Variants in MYRIP observed in about 807,000 individuals in gnomAD.
MYRIP encodes the protein rab effector MyRIP.
In MYRIP, 49 loss-of-function variants were observed where a neutral mutation model predicts 98.0. The ratio of observed to expected loss-of-function variants is 0.50; its 90% CI spans 0.40 to 0.63. The LOEUF is 0.63. Among genes scored for constraint, MYRIP ranks in the 30% least tolerant of loss-of-function variants. The probability of loss-of-function intolerance (pLI) is 0.00; values close to 1 mark genes in which losing one functional copy is unlikely to be tolerated. For synonymous variants in MYRIP, 404 were observed against 409.5 expected, an observed-to-expected ratio of 0.99 and a Z score of 0.16; for missense variants, 1,004 against 1,058.2, an observed-to-expected ratio of 0.95 and a Z score of 0.71.
At chr3:40,212,182 GTA>G (rs71091796) in intron 11 of MYRIP, among the ~76,000 whole-genome samples, 10,238 of 16,892 alleles carry the variant, frequency 0.61, 2,550 homozygotes, top group Middle Eastern at 0.75. Context: ...ATATATACGT[GTA>G]TGTGTATATA....
intron 3 of MYRIP, among the ~76,000 whole-genome samples, chr3:40,079,122 T>C (rs1401906764): frequency 6.6e-6 from 1 of 152,208 alleles, no homozygotes; most frequent in Non-Finnish European, 1.5e-5. Flanking sequence ...TGCTCCCTTG[T>C]TGTCAGTAGA....
intron 2 of MYRIP, among the ~76,000 whole-genome samples, chr3:39,942,619 T>A (rs12715349): frequency 0.51 from 77,799 of 151,928 alleles, 21,055 homozygotes; most frequent in African/African-American, 0.7. Context: ...TAATTGGGAT[T>A]TCTATCTCCT....
chr3:39,874,570 A>G (rs574034677), intron 1 of MYRIP, among the ~76,000 whole-genome samples: 1 of 152,280 alleles, frequency 6.6e-6, no homozygotes, highest in East Asian at 1.9e-4. Flanking sequence ...AATTGTGTCA[A>G]AGGCCTTTTC....
chr3:40,021,016 G>A (rs901705476), intron 2 of MYRIP, among the ~76,000 whole-genome samples: 3 of 152,124 alleles, frequency 2.0e-5, no homozygotes, highest in African/African-American at 7.2e-5. Flanking sequence ...CACAGATCTT[G>A]TAGGGATTAA....
chr3:40,043,037 C>T (rs1947579830), intron 2 of MYRIP, among the ~76,000 whole-genome samples: 1 of 152,158 alleles, frequency 6.6e-6, no homozygotes, highest in Admixed American at 6.5e-5. Context: ...AGTATTGTAT[C>T]ACTTTCTGGT....
intron 2 of MYRIP, among the ~76,000 whole-genome samples, chr3:39,961,192 C>T (rs1348215372): frequency 3.9e-5 from 6 of 152,032 alleles, no homozygotes; most frequent in Non-Finnish European, 7.4e-5. Flanking sequence ...ATTTCCCACA[C>T]ATGTTGTTTT....
At position 40,189,837 on chromosome 3, in the gene MYRIP, G is replaced by T; in HGVS notation, c.1039G>T (p.Val347Phe). ...CTCTCCATCCACAGACCTGGCCCCA[G>T]TTTTGCAGAGCCCCGACGGGAACTG... The part of the protein sequence containing the change: ...DRLDETNLAP[V>F]LQSPDGNWVA... The change falls in exon 10 of 17, where the codon GTT (valine) becomes TTT (phenylalanine). Residue 347 changes from valine (V) to phenylalanine (F), a missense_variant. Val to Phe is a conservative substitution (Grantham distance 50, BLOSUM62 -1). This residue lies in a region of MYRIP where 880 missense variants were observed against 907.7 expected (regional missense o/e 0.97). Transcript: ENST00000302541. 1.2e-6 allele frequency: 2 copies of T among 1,610,998 alleles called. No homozygotes were observed. Among genetic ancestry groups the T allele is most frequent in the Non-Finnish European group, 1.7e-6 (2 of 1,178,574 alleles).
chr3:39,950,266 G>A (rs1944981131), intron 2 of MYRIP, among the ~76,000 whole-genome samples: 2 of 152,134 alleles, frequency 1.3e-5, no homozygotes, highest in Admixed American at 6.6e-5. Flanking sequence ...AAAGATGAAT[G>A]AAATAGAATT....
Position 40,249,875 on chromosome 3 carries a change from C to T in MYRIP, c.2263-347C>T, listed in dbSNP as rs183318312. The stretch of plus-strand genomic sequence containing the variant: ...ATGACTATAACAGGACATATAAATC[C>T]TATGACTTCCCTGACCACTTCTCAC... On this transcript the variant is annotated intron_variant, in intron 13 of 16. Transcript: ENST00000302541. 6.6e-5 allele frequency among the ~76,000 whole-genome samples: 10 copies of T among 152,246 alleles called. No individual in the cohort carries two copies. The East Asian group carries it at 1.7e-3, about 26-fold the overall frequency.
intron 3 of MYRIP, among the ~76,000 whole-genome samples, chr3:40,130,647 T>G (rs1362779832): frequency 2.6e-5 from 4 of 152,068 alleles, no homozygotes; most frequent in African/African-American, 4.8e-5. Flanking sequence ...CCCAAAGTGC[T>G]GGGATTACAA....
rs542825584 is a variant in MYRIP, at chr3:40,215,083, G to A, written c.1905+4990G>A. Among the ~76,000 whole-genome samples, 5 of 152,228 alleles carry A rather than the reference G, an allele frequency of 3.3e-5. No individual in the cohort carries two copies. The East Asian group carries it at 9.6e-4, about 29-fold the overall frequency. On this transcript the variant is annotated intron_variant, in intron 11 of 16. Transcript: ENST00000302541. Reference sequence around the variant, plus strand: ...AAGATGTCCTATGTATCAATCTTTTGGAACATGAGCATTTATTAAAGGCCT... The same window carrying A: ...AAGATGTCCTATGTATCAATCTTTTAGAACATGAGCATTTATTAAAGGCCT...
intron 3 of MYRIP, among the ~76,000 whole-genome samples, chr3:40,048,437 A>G (rs1559379614): frequency 6.6e-6 from 1 of 152,166 alleles, no homozygotes; most frequent in African/African-American, 2.4e-5. Flanking sequence ...GTAGGAATTA[A>G]AGGTAGACAT....
intron 12 of MYRIP, among the ~76,000 whole-genome samples, chr3:40,235,806 G>A (rs913791227): frequency 2.0e-5 from 3 of 152,200 alleles, no homozygotes; most frequent in Admixed American, 6.5e-5. Context: ...TCTACCAGAT[G>A]TCTGGAAAGG....
chr3:39,830,945 C>T (rs77955631), intron 1 of MYRIP, among the ~76,000 whole-genome samples: 15 of 152,266 alleles, frequency 9.9e-5, no homozygotes, highest in East Asian at 3.9e-4. Flanking sequence ...TCAACTTCAC[C>T]GGAAACTTTC....
chr3:40,120,697 G>A lies in MYRIP; in HGVS notation c.333-30351G>A, dbSNP rs189272590. Among the ~76,000 whole-genome samples, 495 of 152,264 alleles carry A rather than the reference G, an allele frequency of 3.3e-3. 1 individual carries two copies. The highest frequency in any genetic ancestry group is 5.2e-3 in the Non-Finnish European group (353 of 68,008). ...CCCAGATCACACAGATTAGCAGGGGGAAGACACAAGATTGTCCTTCTGGGC... is the reference window on the plus strand; with the variant it reads ...CCCAGATCACACAGATTAGCAGGGGAAAGACACAAGATTGTCCTTCTGGGC... On this transcript the variant is annotated intron_variant, in intron 3 of 16. Coordinates refer to ENST00000302541, the MANE Select transcript of MYRIP (RefSeq NM_015460.4).
At chr3:40,122,316 TAAG>T (rs1477803021) in intron 3 of MYRIP, among the ~76,000 whole-genome samples, 1 of 151,670 alleles carries the variant, frequency 6.6e-6, no homozygotes, top group Non-Finnish European at 1.5e-5. Context: ...AAATAGAAAT[TAAG>T]GAGATTATAG....
At chr3:39,843,171 A>G (rs982493100) in intron 1 of MYRIP, among the ~76,000 whole-genome samples, 3 of 152,156 alleles carry the variant, frequency 2.0e-5, no homozygotes, top group Admixed American at 6.5e-5. Flanking sequence ...TTATCTATCT[A>G]ATAGGATATT....
chr3:40,135,031 G>A (rs4538314), intron 3 of MYRIP, among the ~76,000 whole-genome samples: 15,235 of 152,254 alleles, frequency 0.1, 1,670 homozygotes, highest in African/African-American at 0.27. Context: ...AAGCTGGATG[G>A]AGAATGACTT....
chr3:40,062,278 C>T (rs949433282), intron 3 of MYRIP, among the ~76,000 whole-genome samples: 6 of 152,154 alleles, frequency 3.9e-5, no homozygotes, highest in East Asian at 1.9e-4. Context: ...TCATATATAG[C>T]GCAAGGAAGG....
Sources: gnomAD v4.1 joint callset for allele counts (sites outside exome capture counted in the v4.1 genomes callset) on GRCh38, gnomAD v4.1.1 for gene constraint, gnomAD v4.1.1 regional missense constraint, MANE v1.5 for transcripts, NCBI Gene and HGNC (gene_info 2026-07-23, HGNC 2026-07-21) for gene names.